Variants in OSBPL2 observed in about 807,000 individuals in gnomAD.
The protein encoded by OSBPL2 is oxysterol binding protein like 2.
Under a neutral mutation model 58.4 loss-of-function variants are expected in OSBPL2, and 18 were observed. That is an observed-to-expected ratio of 0.31 (90% confidence interval 0.21 to 0.46). The LOEUF (loss-of-function observed/expected upper bound fraction) is 0.46, where lower values mean the gene tolerates loss of function less well. OSBPL2 is among the 20% of genes least tolerant of loss of function. The probability of loss-of-function intolerance (pLI) is 1.00; values close to 1 mark genes in which losing one functional copy is unlikely to be tolerated. For synonymous variants in OSBPL2, 221 were observed against 234.1 expected, an observed-to-expected ratio of 0.94 and a Z score of 0.51; for missense variants, 461 against 616.5, an observed-to-expected ratio of 0.75 and a Z score of 2.67.
chr20:62,253,795 A>ATTTATTTG (rs1980734570), intron 1 of OSBPL2, among the ~76,000 whole-genome samples: 1 of 151,136 alleles, frequency 6.6e-6, no homozygotes, highest in Non-Finnish European at 1.5e-5. Context: ...TTATTTATTT[A>ATTTATTTG]TTTATTTATT....
At chr20:62,244,737 C>T (rs1384550621) in intron 1 of OSBPL2, among the ~76,000 whole-genome samples, 1 of 152,222 alleles carries the variant, frequency 6.6e-6, no homozygotes, top group Non-Finnish European at 1.5e-5. Context: ...GTGAGTGGGG[C>T]GCTAGGCTCC....
chr20:62,278,961 T>G, intron 6 of OSBPL2, 196 bp from the exon 7 acceptor site: 1 of 552,000 alleles, frequency 1.8e-6, no homozygotes, highest in African/African-American at 1.9e-5. Context: ...GATGTCATGT[T>G]TGTGTGTGTG....
intron 7 of OSBPL2, among the ~76,000 whole-genome samples, chr20:62,280,654 G>A (rs936429603): frequency 3.9e-5 from 6 of 152,154 alleles, no homozygotes; most frequent in Admixed American, 2.0e-4. Context: ...TGTGGAGTGC[G>A]GTTGAAAACC....
At chr20:62,257,182 G>A (rs1195979144) in intron 2 of OSBPL2, among the ~76,000 whole-genome samples, 1 of 152,192 alleles carries the variant, frequency 6.6e-6, no homozygotes, top group Non-Finnish European at 1.5e-5. Flanking sequence ...GGCACCTCCA[G>A]TCTGTGGCCC....
intron 4 of OSBPL2, among the ~76,000 whole-genome samples, chr20:62,266,940 G>A (rs1011793567): frequency 2.0e-5 from 3 of 152,266 alleles, no homozygotes; most frequent in Admixed American, 2.0e-4. Context: ...CCTTTTTGTT[G>A]CTCTTTCTCT....
At chr20:62,250,885 G>A (rs778327948) in intron 1 of OSBPL2, among the ~76,000 whole-genome samples, 4 of 152,078 alleles carry the variant, frequency 2.6e-5, no homozygotes, top group Admixed American at 6.6e-5. Context: ...CGATTGTGCC[G>A]CTGATGTCAG....
At chr20:62,283,959 AG>A in intron 9 of OSBPL2, 86 bp from the exon 10 acceptor site, 1 of 1,330,002 alleles carries the variant, frequency 7.5e-7, no homozygotes, top group Non-Finnish European at 1.1e-6. Flanking sequence ...AACATACCTG[AG>A]GGGAATTTAT....
intron 13 of OSBPL2, among the ~76,000 whole-genome samples, chr20:62,293,338 C>T (rs965856240): frequency 5.9e-5 from 9 of 152,294 alleles, no homozygotes; most frequent in East Asian, 3.9e-4. Context: ...GCTGAACCAG[C>T]GCCAACACTC....
At chr20:62,287,798 T>A (rs761655221) in intron 11 of OSBPL2, among the ~76,000 whole-genome samples, 1 of 152,138 alleles carries the variant, frequency 6.6e-6, no homozygotes, top group African/African-American at 2.4e-5. Context: ...TTAGGAAAAT[T>A]GCGTATGTTT....
chr20:62,278,044 C>T (rs1026280098), intron 6 of OSBPL2, among the ~76,000 whole-genome samples: 10 of 152,190 alleles, frequency 6.6e-5, no homozygotes, highest in African/African-American at 2.4e-4. Context: ...GTAAGGATTG[C>T]TTCTCCACCT....
intron 5 of OSBPL2, among the ~76,000 whole-genome samples, chr20:62,273,031 G>A (rs957012550): frequency 6.6e-6 from 1 of 152,230 alleles, no homozygotes; most frequent in Non-Finnish European, 1.5e-5. Flanking sequence ...CAGACGGAGT[G>A]GCTGACATTG....
chr20:62,282,370 G>C (rs777263913), intron 9 of OSBPL2, among the ~76,000 whole-genome samples: 30 of 152,204 alleles, frequency 2.0e-4, no homozygotes, highest in Non-Finnish European at 3.4e-4. Context: ...GAAATGGTCA[G>C]TACTGTTCCA....
chr20:62,238,874 C>T, intron 1 of OSBPL2: 1 of 151,968 alleles, frequency 6.6e-6, no homozygotes, highest in East Asian at 1.9e-4. Flanking sequence ...GGCCCCCGCA[C>T]CCTTCCCCCT....
intron 2 of OSBPL2, among the ~76,000 whole-genome samples, 168 bp from the exon 3 acceptor site, chr20:62,259,813 C>T (rs937425096): frequency 6.6e-6 from 1 of 152,226 alleles, no homozygotes; most frequent in Non-Finnish European, 1.5e-5. Flanking sequence ...CTCCTGTTCT[C>T]TCTGTACCGT....
At chr20:62,249,956 G>C (rs924768584) in intron 1 of OSBPL2, among the ~76,000 whole-genome samples, 26 of 152,198 alleles carry the variant, frequency 1.7e-4, no homozygotes, top group African/African-American at 4.6e-4. Flanking sequence ...GGCGCTCCTC[G>C]ACCCCATGGG....
intron 3 of OSBPL2, 114 bp downstream of exon 3, chr20:62,260,239 C>G: frequency 1.0e-6 from 1 of 977,934 alleles, no homozygotes; most frequent in Non-Finnish European, 1.5e-6. Flanking sequence ...ACCCCCACAG[C>G]TGTCTGGCCT....
chr20:62,283,668 T>G (rs561518508), intron 9 of OSBPL2, among the ~76,000 whole-genome samples: 1 of 152,296 alleles, frequency 6.6e-6, no homozygotes, highest in East Asian at 1.9e-4. Context: ...CTTTACATTT[T>G]AAAACGCTCA....
chr20:62,263,505 C>T, intron 3 of OSBPL2, 111 bp from the exon 4 acceptor site: 1 of 857,362 alleles, frequency 1.2e-6, no homozygotes, highest in Non-Finnish European at 1.9e-6. Context: ...TGTAGAAATG[C>T]CAATGTTTAG....
intron 5 of OSBPL2, among the ~76,000 whole-genome samples, chr20:62,272,710 A>G (rs1982141454): frequency 6.6e-6 from 1 of 152,226 alleles, no homozygotes; most frequent in Non-Finnish European, 1.5e-5. Flanking sequence ...CTGAGGCAAC[A>G]CAGTGAGACC....
Sources: gnomAD v4.1 joint callset for allele counts (sites outside exome capture counted in the v4.1 genomes callset) on GRCh38, gnomAD v4.1.1 for gene constraint, MANE v1.5 for transcripts, NCBI Gene and HGNC (gene_info 2026-07-23, HGNC 2026-07-21) for gene names.